Variants in STIM2 observed in about 807,000 individuals in gnomAD.
The protein encoded by STIM2 is stromal interaction molecule 2.
STIM2 carries 31 observed loss-of-function variants against 85.8 expected under a neutral mutation model. The observed-to-expected ratio is 0.36, with a 90% CI of 0.27 to 0.49. The LOEUF (loss-of-function observed/expected upper bound fraction) is 0.49. STIM2 is among the 20% of genes least tolerant of loss of function. The pLI is 0.98. For synonymous variants in STIM2, 356 were observed against 331.1 expected, an observed-to-expected ratio of 1.08 and a Z score of -0.82; for missense variants, 841 against 927.6, an observed-to-expected ratio of 0.91 and a Z score of 1.21.
chr4:26,925,887 GACAA>G (rs1344558475), intron 2 of STIM2, among the ~76,000 whole-genome samples: 2 of 66,570 alleles, frequency 3.0e-5, no homozygotes, highest in Non-Finnish European at 5.1e-5. Context: ...ACCAACAACA[GACAA>G]ACAGAGAGCC....
chr4:26,972,498 C>T (rs898668324), intron 3 of STIM2, among the ~76,000 whole-genome samples: 1 of 152,182 alleles, frequency 6.6e-6, no homozygotes, highest in South Asian at 2.1e-4. Context: ...TTGAGATAAT[C>T]ATGTGGTTTT....
chr4:27,020,243 G>A (rs1169035790), intron 11 of STIM2, among the ~76,000 whole-genome samples: 7 of 152,300 alleles, frequency 4.6e-5, no homozygotes, highest in African/African-American at 1.7e-4. Context: ...TAACAGAAGA[G>A]AAAATATTCA....
Position 26,861,034 on chromosome 4 carries a change from G to T in STIM2, c.-185G>T. On this transcript the variant is annotated 5_prime_UTR_variant, in exon 1 of 12. Coordinates refer to ENST00000467087, the MANE Select transcript of STIM2 (RefSeq NM_020860.4). The stretch of plus-strand genomic sequence containing the variant: ...AGGCTGGCGCCCGGCGGGAGCCCGT[G>T]TCTGAGGCGGCGGGGGCGGCCGGAG... 4.1e-6 allele frequency: 5 copies of T among 1,219,398 alleles called. No individual in the cohort carries two copies. The highest frequency in any genetic ancestry group is 5.1e-6 in the Non-Finnish European group (5 of 977,130). 75.5% of individuals were successfully genotyped at this position (1,219,398 alleles called of 1,614,324 possible).
intron 3 of STIM2, among the ~76,000 whole-genome samples, chr4:26,979,504 T>C (rs1727306385): frequency 6.6e-6 from 1 of 152,212 alleles, no homozygotes; most frequent in African/African-American, 2.4e-5. Flanking sequence ...CAGTGCCATG[T>C]CTTCATACTG....
chr4:26,969,425 G>C, intron 3 of STIM2, among the ~76,000 whole-genome samples: 1 of 152,062 alleles, frequency 6.6e-6, no homozygotes, highest in East Asian at 1.9e-4. Context: ...TCCCTGTTTT[G>C]ACCAGTACCA....
intron 10 of STIM2, among the ~76,000 whole-genome samples, chr4:27,009,831 A>G (rs763858449): frequency 1.3e-5 from 2 of 152,202 alleles, no homozygotes; most frequent in African/African-American, 2.4e-5. Flanking sequence ...AAGCTTGCCA[A>G]ATGCAACACT....
intron 3 of STIM2, among the ~76,000 whole-genome samples, chr4:26,970,522 A>G (rs1726906927): frequency 6.6e-6 from 1 of 151,374 alleles, no homozygotes; most frequent in Non-Finnish European, 1.5e-5. Flanking sequence ...GTGATAGTTT[A>G]CTGAGAATGA....
At chr4:26,991,661 G>A (rs1376339189) in intron 3 of STIM2, among the ~76,000 whole-genome samples, 3 of 151,956 alleles carry the variant, frequency 2.0e-5, no homozygotes, top group Non-Finnish European at 1.5e-5. Context: ...TTGTATACGT[G>A]TATCAAAATA....
chr4:26,947,457 A>G (rs1725876194), intron 2 of STIM2, among the ~76,000 whole-genome samples: 1 of 152,208 alleles, frequency 6.6e-6, no homozygotes, highest in Non-Finnish European at 1.5e-5. Context: ...GGTACTCATA[A>G]TACCAGTGTG....
At chr4:26,873,855 C>T in intron 1 of STIM2, 1 of 1,131,066 alleles carries the variant, frequency 8.8e-7, no homozygotes, top group South Asian at 1.3e-5. Flanking sequence ...GTACGTGAAC[C>T]CATCCGGGCA....
In STIM2 at chr4:26,861,154, T is replaced by C; in HGVS notation, c.-65T>C. ...TTTCACCCGGCTTCTCCTCGGCGCC[T>C]TCATCCCGCCTCGACTCCTGGCCCA... On this transcript the variant is annotated 5_prime_UTR_variant, in exon 1 of 12. Coordinates refer to ENST00000467087, the MANE Select transcript of STIM2 (RefSeq NM_020860.4). The C allele has an allele frequency of 7.5e-7, 1 of 1,324,820 alleles. No individual in the cohort carries two copies. The highest frequency in any genetic ancestry group is 3.2e-5 in the East Asian group (1 of 31,574). The allele number at this position is 1,324,820 out of a possible 1,614,324, so 82.1% of individuals were successfully genotyped here. A position where few individuals can be genotyped will look rare whatever the true frequency, so the allele number is the denominator to read the frequency against.
At chr4:26,898,728 G>A (rs1376693636) in intron 1 of STIM2, among the ~76,000 whole-genome samples, 1 of 152,020 alleles carries the variant, frequency 6.6e-6, no homozygotes, top group Non-Finnish European at 1.5e-5. Context: ...ATCTACAGAA[G>A]ACACCAATGG....
chr4:26,969,486 A>T (rs1726852407), intron 3 of STIM2, among the ~76,000 whole-genome samples: 1 of 152,182 alleles, frequency 6.6e-6, no homozygotes. Flanking sequence ...TACTGCAATG[A>T]ATAATAATAG....
intron 1 of STIM2, among the ~76,000 whole-genome samples, chr4:26,907,457 A>G (rs1029144263): frequency 2.0e-5 from 3 of 152,204 alleles, no homozygotes; most frequent in African/African-American, 7.2e-5. Context: ...GGCTGTTAAC[A>G]AGTACTGAAG....
At chr4:26,972,184 A>C (rs1726979832) in intron 3 of STIM2, among the ~76,000 whole-genome samples, 1 of 152,186 alleles carries the variant, frequency 6.6e-6, no homozygotes, top group African/African-American at 2.4e-5. Context: ...TGTCATCTAC[A>C]AACAGGGACA....
Position 27,023,070 on chromosome 4 carries a change from T to C in STIM2, c.*74T>C. On this transcript the variant is annotated 3_prime_UTR_variant, in exon 12 of 12. Transcript: ENST00000467087. ...ATCCCCCACCCTCCACTCCCCACCTTTTTTTTGGTTTAATTTTAGGAATGT... is the reference window on the plus strand; with the variant it reads ...ATCCCCCACCCTCCACTCCCCACCTCTTTTTTGGTTTAATTTTAGGAATGT... 1 of 1,416,274 alleles carries C rather than the reference T, an allele frequency of 7.1e-7. No homozygotes were observed. 87.7% of individuals were successfully genotyped at this position (1,416,274 alleles called of 1,614,324 possible). A position where few individuals can be genotyped will look rare whatever the true frequency, so the allele number is the denominator to read the frequency against.
chr4:26,861,458 C>G (rs187079285), intron 1 of STIM2, 89 bp downstream of exon 1: 23,748 of 1,235,038 alleles, frequency 0.019, 282 homozygotes, highest in Non-Finnish European at 0.02. Flanking sequence ...GCCGGACGTC[C>G]GCTATTCCGC....
intron 2 of STIM2, among the ~76,000 whole-genome samples, chr4:26,944,990 A>G (rs1229905303): frequency 6.6e-6 from 1 of 152,156 alleles, no homozygotes; most frequent in African/African-American, 2.4e-5. Flanking sequence ...CAGATTTGTT[A>G]CATCATTAAA....
chr4:26,874,687 T>TA (rs1436133193), intron 1 of STIM2, among the ~76,000 whole-genome samples: 1 of 152,186 alleles, frequency 6.6e-6, no homozygotes, highest in African/African-American at 2.4e-5. Context: ...TTAAGAACAT[T>TA]AAAAAAGTGC....
Sources: allele counts gnomAD v4.1 joint callset (sites outside exome capture counted in the v4.1 genomes callset), GRCh38; gene constraint gnomAD v4.1.1; transcripts MANE v1.5; gene names NCBI Gene and HGNC (gene_info 2026-07-23, HGNC 2026-07-21).